The following ADGRL3 variants were observed in gnomAD, a reference collection of about 807,000 sequenced individuals.
The protein encoded by ADGRL3 is adhesion G protein-coupled receptor L3.
ADGRL3 carries 62 observed loss-of-function variants against 153.5 expected under a neutral mutation model. That is an observed-to-expected ratio of 0.40 (90% CI 0.33 to 0.50). The LOEUF is 0.50. ADGRL3 is among the 20% of genes least tolerant of loss of function. The probability of loss-of-function intolerance (pLI) is 0.47; values close to 1 mark genes in which losing one functional copy is unlikely to be tolerated. For missense variants in ADGRL3, 1,641 were observed against 1,859.4 expected (o/e 0.88, Z 2.16); for synonymous variants, 710 against 672.5 (o/e 1.06, Z -0.86).
chr4:61,764,046 CTT>C (rs2096943681), intron 8 of ADGRL3, among the ~76,000 whole-genome samples: 1 of 152,080 alleles, frequency 6.6e-6, no homozygotes, highest in African/African-American at 2.4e-5. Flanking sequence ...AACATGAAAA[CTT>C]TTCACATTCT....
chr4:61,613,791 G>A (rs1377465079), intron 5 of ADGRL3, among the ~76,000 whole-genome samples: 2 of 152,164 alleles, frequency 1.3e-5, no homozygotes, highest in Admixed American at 1.3e-4. Flanking sequence ...AATCACATTA[G>A]TATGATGTTA....
At chr4:61,716,398 C>T (rs1186911908) in intron 6 of ADGRL3, among the ~76,000 whole-genome samples, 1 of 152,000 alleles carries the variant, frequency 6.6e-6, no homozygotes, top group African/African-American at 2.4e-5. Flanking sequence ...GAAAATTAAC[C>T]TCTCTCTTCT....
chr4:61,361,482 C>T lies in ADGRL3; in HGVS notation c.-239-21642C>T, dbSNP rs539817650. Among the ~76,000 whole-genome samples the T allele has an allele frequency of 2.6e-5, 4 of 152,194 alleles. No homozygotes were observed. In the East Asian group the frequency reaches 7.7e-4, roughly 29 times the overall value. On this transcript the variant is annotated intron_variant, in intron 1 of 26. Coordinates refer to ENST00000683033, the MANE Select transcript of ADGRL3 (RefSeq NM_001387552.1). ...AAAATGAAGTACTTTAAGGGTATGG[C>T]CTTTGGGGTTAGATAGGCTTGATTT...
intron 5 of ADGRL3, among the ~76,000 whole-genome samples, chr4:61,609,853 T>C (rs2099046267): frequency 1.3e-5 from 2 of 152,076 alleles, no homozygotes; most frequent in Non-Finnish European, 2.9e-5. Flanking sequence ...AAATTTGGCA[T>C]AAATTATGGA....
chr4:61,287,465 C>T (rs2093982391), intron 1 of ADGRL3, among the ~76,000 whole-genome samples: 1 of 151,786 alleles, frequency 6.6e-6, no homozygotes, highest in South Asian at 2.1e-4. Context: ...AAAGTGTTCG[C>T]AACGAGGGAT....
chr4:61,985,690 A>T (rs2099082734), intron 19 of ADGRL3, among the ~76,000 whole-genome samples: 1 of 152,202 alleles, frequency 6.6e-6, no homozygotes, highest in South Asian at 2.1e-4. Context: ...TTAAAACAGC[A>T]TATGTGAACT....
chr4:61,517,561 A>G, intron 4 of ADGRL3, 43 bp downstream of exon 4: 1 of 695,892 alleles, frequency 1.4e-6, no homozygotes, highest in Non-Finnish European at 2.6e-6. Context: ...GTGGCTGGGC[A>G]GGGGCTCCTG....
intron 2 of ADGRL3, among the ~76,000 whole-genome samples, chr4:61,473,238 T>C (rs1043197768): frequency 4.7e-4 from 70 of 149,304 alleles, no homozygotes; most frequent in Non-Finnish European, 7.2e-4. Flanking sequence ...TGTGTGTGTG[T>C]GTGTGGTCTT....
chr4:61,217,740 C>T (rs1359160808), intron 1 of ADGRL3, among the ~76,000 whole-genome samples: 1 of 152,050 alleles, frequency 6.6e-6, no homozygotes, highest in Non-Finnish European at 1.5e-5. Context: ...TGTATTGTGA[C>T]GAGGAGAGTT....
chr4:62,075,333 G>C lies in ADGRL3; in HGVS notation c.*4425G>C, dbSNP rs983581673. The C allele has an allele frequency of 6.6e-6, 1 of 152,018 alleles. No individual in the cohort carries two copies. Among genetic ancestry groups the C allele is most frequent in the Non-Finnish European group, 1.5e-5 (1 of 68,016 alleles). The allele number at this position is 152,018 out of a possible 1,614,324, so 9.4% of individuals were successfully genotyped here. ...TCTGCGTAGCCATGATCACAGGTTTGAGCCACAGCACTTGGCCTGTGATGT... is the reference window on the plus strand; with the variant it reads ...TCTGCGTAGCCATGATCACAGGTTTCAGCCACAGCACTTGGCCTGTGATGT... On this transcript the variant is annotated 3_prime_UTR_variant, in exon 27 of 27. Transcript: ENST00000683033.
chr4:61,322,438 T>C (rs957747340), intron 1 of ADGRL3, among the ~76,000 whole-genome samples: 1 of 152,092 alleles, frequency 6.6e-6, no homozygotes, highest in Non-Finnish European at 1.5e-5. Context: ...GACTCAAAAG[T>C]CCACAGTCCA....
intron 8 of ADGRL3, among the ~76,000 whole-genome samples, chr4:61,791,991 A>G (rs1358500680): frequency 6.6e-6 from 1 of 152,198 alleles, no homozygotes; most frequent in Non-Finnish European, 1.5e-5. Flanking sequence ...AGGGACTGCC[A>G]TGAAGACCTC....
rs893287022 is a variant in ADGRL3 at position 62,074,046 on chromosome 4, A to G, written c.*3138A>G. 2 of 152,052 alleles carry G rather than the reference A, an allele frequency of 1.3e-5. No individual in the cohort carries two copies. Among genetic ancestry groups the G allele is most frequent in the African/African-American group, 4.8e-5 (2 of 41,408 alleles). The allele number at this position is 152,052 out of a possible 1,614,324, so 9.4% of individuals were successfully genotyped here. A position where few individuals can be genotyped will look rare whatever the true frequency, so the allele number is the denominator to read the frequency against. ...TGAACTTGAATCTTTTTCTTCATAT[A>G]CATTTTCTTATAGAGCTATTGATGA... is the stretch of plus-strand genomic sequence containing the variant. On this transcript the variant is annotated 3_prime_UTR_variant, in exon 27 of 27. Coordinates refer to ENST00000683033, the MANE Select transcript of ADGRL3 (RefSeq NM_001387552.1).
intron 1 of ADGRL3, among the ~76,000 whole-genome samples, chr4:61,240,772 TG>T (rs1754614612): frequency 6.6e-6 from 1 of 152,136 alleles, no homozygotes; most frequent in Non-Finnish European, 1.5e-5. Flanking sequence ...TGTAATTTTT[TG>T]TTTATGCATT....
chr4:61,206,787 A>G (rs1284491269), intron 1 of ADGRL3, among the ~76,000 whole-genome samples: 2 of 151,860 alleles, frequency 1.3e-5, no homozygotes, highest in African/African-American at 2.4e-5. Context: ...TTTGAGACCA[A>G]CCTGACCAAC....
intron 2 of ADGRL3, among the ~76,000 whole-genome samples, chr4:61,412,354 C>CT (rs1283686804): frequency 6.6e-5 from 10 of 152,128 alleles, no homozygotes; most frequent in African/African-American, 2.4e-4. Flanking sequence ...TCCCAAAGTG[C>CT]TAGGATTATA....
intron 8 of ADGRL3, among the ~76,000 whole-genome samples, chr4:61,783,504 C>A (rs1174228498): frequency 3.3e-5 from 5 of 151,992 alleles, no homozygotes; most frequent in East Asian, 3.9e-4. Context: ...AGAGGTAGTT[C>A]TAGGAAATTG....
intron 5 of ADGRL3, among the ~76,000 whole-genome samples, chr4:61,616,880 C>G (rs1054907051): frequency 6.6e-6 from 1 of 151,980 alleles, no homozygotes; most frequent in Admixed American, 6.6e-5. Flanking sequence ...ATCTCAAACT[C>G]CTGGCCTCGA....
At chr4:61,268,249 T>A (rs1014224965) in intron 1 of ADGRL3, among the ~76,000 whole-genome samples, 9 of 151,684 alleles carry the variant, frequency 5.9e-5, no homozygotes, top group Non-Finnish European at 1.3e-4. Context: ...AATTTTTTCC[T>A]ATTTTTAAAG....
Sources: allele counts gnomAD v4.1 joint callset (sites outside exome capture counted in the v4.1 genomes callset), GRCh38; gene constraint gnomAD v4.1.1; transcripts MANE v1.5; gene names NCBI Gene and HGNC (gene_info 2026-07-23, HGNC 2026-07-21).